Variants in DLG2 observed in about 807,000 individuals in gnomAD.
DLG2 encodes discs large MAGUK scaffold protein 2, also known as disks large homolog 2.
Under a neutral mutation model 132.5 loss-of-function variants are expected in DLG2, and 45 were observed. That is an observed-to-expected ratio of 0.34 (90% confidence interval 0.27 to 0.44). The LOEUF (loss-of-function observed/expected upper bound fraction) is 0.44. DLG2 is among the 20% of genes least tolerant of loss of function. DLG2 has a pLI of 1.00. For synonymous variants in DLG2, 424 were observed against 419.6 expected (o/e 1.01, Z -0.13); for missense variants, 1,045 against 1,196.9 (o/e 0.87, Z 1.87).
intron 16 of DLG2, among the ~76,000 whole-genome samples, chr11:83,838,652 G>C (rs2056835940): frequency 6.6e-6 from 1 of 152,136 alleles, no homozygotes; most frequent in Admixed American, 6.5e-5. Flanking sequence ...CATGAAAAAA[G>C]TCTGGCATTC....
At chr11:83,528,578 A>G (rs1428285105) in intron 21 of DLG2, among the ~76,000 whole-genome samples, 1 of 152,170 alleles carries the variant, frequency 6.6e-6, no homozygotes, top group African/African-American at 2.4e-5. Flanking sequence ...TACCTAAGGC[A>G]TATTTGTAAT....
chr11:84,449,005 A>T (rs973896054), intron 7 of DLG2, among the ~76,000 whole-genome samples: 1 of 151,928 alleles, frequency 6.6e-6, no homozygotes, highest in African/African-American at 2.4e-5. Context: ...AGCATTTGTT[A>T]TTACCCTCTA....
intron 17 of DLG2, among the ~76,000 whole-genome samples, chr11:83,806,383 A>C (rs1043241577): frequency 1.3e-5 from 2 of 152,264 alleles, no homozygotes; most frequent in African/African-American, 4.8e-5. Flanking sequence ...TTAACTCTAT[A>C]CACTTTCTCT....
At chr11:84,720,314 C>G (rs1246477297) in intron 6 of DLG2, 1 of 985,360 alleles carries the variant, frequency 1.0e-6, no homozygotes, top group Non-Finnish European at 1.2e-6. Context: ...CAAACATCAA[C>G]GATAAAGTGT....
At chr11:83,866,422 G>A (rs2062389853) in intron 16 of DLG2, among the ~76,000 whole-genome samples, 1 of 152,066 alleles carries the variant, frequency 6.6e-6, no homozygotes, top group African/African-American at 2.4e-5. Flanking sequence ...ACTTATGACT[G>A]GGTGCTTTTT....
At chr11:83,908,487 C>A (rs944141468) in intron 15 of DLG2, among the ~76,000 whole-genome samples, 1 of 152,036 alleles carries the variant, frequency 6.6e-6, no homozygotes, top group Non-Finnish European at 1.5e-5. Flanking sequence ...CACACACGAG[C>A]ATATGCACGC....
rs1292628076 is a variant in DLG2, at chr11:83,585,112, A to C, written c.1941-43254T>G. Among the ~76,000 whole-genome samples the C allele has an allele frequency of 2.0e-5, 3 of 152,246 alleles. No individual in the cohort carries two copies. The East Asian group carries it at 5.8e-4, about 29-fold the overall frequency. ...AATATTTGTAATGTTATTACAAAATAACATTTTGTAATCATAAAATATTAC... is the reference window on the plus strand; with the variant it reads ...AATATTTGTAATGTTATTACAAAATCACATTTTGTAATCATAAAATATTAC... On this transcript the variant is annotated intron_variant, in intron 19 of 27. Transcript: ENST00000376104.
intron 6 of DLG2, among the ~76,000 whole-genome samples, chr11:84,837,346 T>C (rs1331284623): frequency 1.3e-5 from 2 of 151,730 alleles, no homozygotes; most frequent in Non-Finnish European, 2.9e-5. Context: ...ACACCATTGT[T>C]TAAATAAGGA....
chr11:84,851,581 C>G (rs2082171148), intron 6 of DLG2, among the ~76,000 whole-genome samples: 1 of 151,966 alleles, frequency 6.6e-6, no homozygotes, highest in Non-Finnish European at 1.5e-5. Flanking sequence ...ATCTTTGTAC[C>G]ACCTATGACC....
chr11:85,450,063 G>A (rs2092178624), intron 3 of DLG2, among the ~76,000 whole-genome samples: 1 of 152,050 alleles, frequency 6.6e-6, no homozygotes, highest in South Asian at 2.1e-4. Flanking sequence ...GGAGGCAGAG[G>A]TTGCATGGTG....
At chr11:84,065,017 T>G (rs947263052) in intron 10 of DLG2, among the ~76,000 whole-genome samples, 4 of 152,208 alleles carry the variant, frequency 2.6e-5, no homozygotes, top group African/African-American at 9.6e-5. Context: ...GACAGTCATA[T>G]GCAGAAGATT....
At chr11:83,461,679 T>C (rs1474866839) in intron 27 of DLG2, 1 of 229,016 alleles carries the variant, frequency 4.4e-6, no homozygotes, top group East Asian at 9.3e-5. Context: ...TTTCTGATGA[T>C]ATCAGGGAGA....
chr11:84,714,549 T>TTCTCTTTC (rs1565748003), intron 6 of DLG2, among the ~76,000 whole-genome samples: 21 of 59,170 alleles, frequency 3.5e-4, no homozygotes, highest in African/African-American at 6.1e-4. Context: ...CTCTTTCTCT[T>TTCTCTTTC]TCTCTCTCTT....
chr11:84,648,378 A>G (rs1183765783), intron 6 of DLG2, among the ~76,000 whole-genome samples: 1 of 152,220 alleles, frequency 6.6e-6, no homozygotes, highest in Non-Finnish European at 1.5e-5. Flanking sequence ...AATGAATGCT[A>G]GTGCTTCCCA....
chr11:83,638,965 A>G (rs1264015847), intron 18 of DLG2, among the ~76,000 whole-genome samples: 1 of 152,210 alleles, frequency 6.6e-6, no homozygotes, highest in East Asian at 1.9e-4. Flanking sequence ...GCAATTTGTT[A>G]AGGGTAAGTA....
chr11:84,022,339 T>C (rs537408241), intron 11 of DLG2, among the ~76,000 whole-genome samples: 5 of 152,294 alleles, frequency 3.3e-5, no homozygotes, highest in Non-Finnish European at 7.4e-5. Flanking sequence ...AAAAGATTTG[T>C]AGGGAGAACA....
chr11:84,960,993 T>C (rs950948055), intron 6 of DLG2, among the ~76,000 whole-genome samples: 1 of 152,112 alleles, frequency 6.6e-6, no homozygotes, highest in Non-Finnish European at 1.5e-5. Flanking sequence ...CATTCAATAT[T>C]TATAAAGCAA....
intron 6 of DLG2, among the ~76,000 whole-genome samples, chr11:85,003,480 T>C (rs1032881221): frequency 1.2e-4 from 18 of 152,300 alleles, no homozygotes; most frequent in South Asian, 4.1e-4. Flanking sequence ...TCTCTTTTGG[T>C]TTAATATTTG....
chr11:84,541,477 C>G (rs2099370212), intron 6 of DLG2, among the ~76,000 whole-genome samples: 1 of 152,034 alleles, frequency 6.6e-6, no homozygotes, highest in Non-Finnish European at 1.5e-5. Context: ...CATTCTCTGA[C>G]TTCAAAGGTT....
Sources: gnomAD v4.1 joint callset for allele counts (sites outside exome capture counted in the v4.1 genomes callset) on GRCh38, gnomAD v4.1.1 for gene constraint, MANE v1.5 for transcripts, NCBI Gene and HGNC (gene_info 2026-07-23, HGNC 2026-07-21) for gene names.